OCA2: variants seen among roughly 807,000 people sequenced by gnomAD.
OCA2 encodes the protein P protein.
In OCA2, 77 loss-of-function variants were observed where a neutral mutation model predicts 100.2. That is an observed-to-expected ratio of 0.77 (90% CI 0.64 to 0.93). OCA2 has a LOEUF of 0.93. Among genes scored for constraint, OCA2 ranks in the 40% least tolerant of loss-of-function variants. The pLI is 0.00. For synonymous variants in OCA2, 432 were observed against 439.2 expected, an observed-to-expected ratio of 0.98 and a Z score of 0.21; for missense variants, 1,062 against 1,089.1, an observed-to-expected ratio of 0.98 and a Z score of 0.35.
At chr15:28,011,611 G>A (rs921786084) in intron 9 of OCA2, among the ~76,000 whole-genome samples, 22 of 151,760 alleles carry the variant, frequency 1.4e-4, no homozygotes, top group African/African-American at 4.1e-4. Context: ...CACCCAAACC[G>A]CAATCTATAA....
At chr15:27,814,935 GATA>G (rs2034231313) in intron 23 of OCA2, among the ~76,000 whole-genome samples, 1 of 145,100 alleles carries the variant, frequency 6.9e-6, no homozygotes, top group African/African-American at 2.6e-5. Flanking sequence ...TAGATAGATA[GATA>G]GATAGATACA....
At chr15:27,725,564 G>A in the OCA2 span, among the ~76,000 whole-genome samples, 1 of 152,158 alleles carries the variant, frequency 6.6e-6, no homozygotes, top group Admixed American at 6.5e-5. Flanking sequence ...GTGAGACTCC[G>A]TGACAAACAA....
At chr15:28,086,050 G>T (rs1003434570) in intron 1 of OCA2, among the ~76,000 whole-genome samples, 1 of 152,190 alleles carries the variant, frequency 6.6e-6, no homozygotes, top group African/African-American at 2.4e-5. Flanking sequence ...TTCGCAAAAG[G>T]CTGAGTAGGG....
chr15:28,034,677 G>A (rs2042997723), intron 2 of OCA2, among the ~76,000 whole-genome samples: 2 of 152,038 alleles, frequency 1.3e-5, no homozygotes, highest in Admixed American at 6.6e-5. Context: ...GGGAAGGCTG[G>A]TGGAAGGATT....
At chr15:27,770,565 G>C (rs1180086903) in intron 23 of OCA2, among the ~76,000 whole-genome samples, 1 of 150,866 alleles carries the variant, frequency 6.6e-6, no homozygotes, top group Non-Finnish European at 1.5e-5. Context: ...GAAGGTCCCC[G>C]ATGGGCGCGC....
chr15:27,932,726 T>C (rs2703960), intron 18 of OCA2, among the ~76,000 whole-genome samples: 92,093 of 152,040 alleles, frequency 0.61, 28,805 homozygotes, highest in East Asian at 0.96. Context: ...AATCAATCTG[T>C]GTCAAAACAC....
At chr15:27,902,218 TG>T (rs375453547) in intron 19 of OCA2, among the ~76,000 whole-genome samples, 42,979 of 151,084 alleles carry the variant, frequency 0.28, 6,572 homozygotes, top group East Asian at 0.56. Context: ...TTGTTGTTGT[TG>T]TTTTTTTCTA....
intron 23 of OCA2, among the ~76,000 whole-genome samples, chr15:27,811,516 A>T (rs2151220008): frequency 7.0e-6 from 1 of 142,890 alleles, no homozygotes; most frequent in Non-Finnish European, 1.5e-5. Context: ...CTATTGAAAT[A>T]AAAAAAAATT....
intron 21 of OCA2, among the ~76,000 whole-genome samples, chr15:27,870,804 GAAAGAA>G (rs553775721): frequency 0.046 from 5,821 of 126,074 alleles, 133 homozygotes; most frequent in South Asian, 0.09. Flanking sequence ...AAGAAAGAAA[GAAAGAA>G]AGAGAGAGAG....
chr15:28,045,424 T>G (rs2043319622), intron 2 of OCA2, among the ~76,000 whole-genome samples: 1 of 152,246 alleles, frequency 6.6e-6, no homozygotes, highest in Non-Finnish European at 1.5e-5. Context: ...TGTCACATTT[T>G]TACATGTGAT....
chr15:28,022,540 G>A lies in OCA2; in HGVS notation c.607C>T (p.Leu203Phe). 6.2e-7 allele frequency: 1 copy of A among 1,614,060 alleles called. No homozygotes were observed. Among genetic ancestry groups the A allele is most frequent in the Non-Finnish European group, 8.5e-7 (1 of 1,179,912 alleles). Residue 203 changes from leucine (L) to phenylalanine (F), a missense_variant, in exon 6 of 24, where the codon CTC becomes TTC. Leu to Phe is a conservative substitution (Grantham distance 22). Transcript: ENST00000354638. ...LFSLYPDQGK[L>F]WQLLALSPLE... ...GGTGATAAGGCCAACAGCTGCCAGA[G>A]CTTTCCTTGATCCGGATATAGGCTG...
intron 2 of OCA2, among the ~76,000 whole-genome samples, chr15:28,068,915 C>A (rs1311705590): frequency 6.6e-6 from 1 of 152,146 alleles, no homozygotes; most frequent in Non-Finnish European, 1.5e-5. Flanking sequence ...AAATCCTCAA[C>A]AGACTAGGCA....
the OCA2 span, among the ~76,000 whole-genome samples, chr15:27,726,208 G>A: frequency 6.6e-6 from 1 of 152,052 alleles, no homozygotes; most frequent in East Asian, 1.9e-4. Flanking sequence ...TGAGGCAGGA[G>A]AATCGCTCTA....
At chr15:28,017,960 G>A (rs1294256468) in intron 7 of OCA2, among the ~76,000 whole-genome samples, 1 of 152,166 alleles carries the variant, frequency 6.6e-6, no homozygotes, top group Non-Finnish European at 1.5e-5. Context: ...ACAAGGCTGA[G>A]CACAGGCCTA....
intron 2 of OCA2, among the ~76,000 whole-genome samples, chr15:28,070,762 C>T (rs1489687317): frequency 6.7e-6 from 1 of 148,480 alleles, no homozygotes; most frequent in African/African-American, 2.5e-5. Context: ...CGGATGGTTG[C>T]CGTGTCTGTG....
At position 28,014,988 on chromosome 15, in the gene OCA2, C is replaced by T. The variant is rs892742641; in HGVS notation, c.891-59G>A. The T allele has an allele frequency of 3.2e-6, 5 of 1,548,928 alleles. No homozygotes were observed. In the Admixed American group the frequency reaches 8.5e-5, roughly 26 times the overall value. On this transcript the variant is annotated intron_variant, in intron 8 of 23. Coordinates refer to ENST00000354638, the MANE Select transcript of OCA2 (RefSeq NM_000275.3). ...AGGTCAACAGTTAGGGGACCTCCCTCTGTATCAGCCATGGCATTAACCAGA... is the reference window on the plus strand; with the variant it reads ...AGGTCAACAGTTAGGGGACCTCCCTTTGTATCAGCCATGGCATTAACCAGA...
chr15:28,034,127 TA>T (rs1323352622), intron 2 of OCA2, among the ~76,000 whole-genome samples: 1 of 151,478 alleles, frequency 6.6e-6, no homozygotes, highest in Non-Finnish European at 1.5e-5. Flanking sequence ...CTATGGAAAA[TA>T]AAAATAATAA....
chr15:28,088,895 C>T lies in OCA2; in HGVS notation c.-21-7000G>A, dbSNP rs572359665. On this transcript the variant is annotated intron_variant, in intron 1 of 23. Coordinates refer to ENST00000354638, the MANE Select transcript of OCA2 (RefSeq NM_000275.3). ...GAGACAGGGTTTGAGAGCAGACAAT[C>T]GGTCTGACCAAAATTTATTAGGTGG... 2.0e-4 allele frequency among the ~76,000 whole-genome samples: 30 copies of T among 152,282 alleles called. No homozygotes were observed. In the South Asian group the frequency reaches 5.0e-3, roughly 25 times the overall value.
chr15:28,017,954 G>C (rs938597221), intron 7 of OCA2, among the ~76,000 whole-genome samples: 1 of 152,140 alleles, frequency 6.6e-6, no homozygotes, highest in Admixed American at 6.6e-5. Context: ...TCAGAGACAA[G>C]GCTGAGCACA....
Sources: gnomAD v4.1 joint callset for allele counts (sites outside exome capture counted in the v4.1 genomes callset) on GRCh38, gnomAD v4.1.1 for gene constraint, MANE v1.5 for transcripts, NCBI Gene and HGNC (gene_info 2026-07-23, HGNC 2026-07-21) for gene names.